CDK8: variants seen among roughly 807,000 people sequenced by gnomAD.
CDK8 encodes the protein cyclin-dependent kinase 8.
In CDK8, 29 loss-of-function variants were observed where a neutral mutation model predicts 71.5. The observed-to-expected ratio is 0.41, with a 90% CI of 0.30 to 0.55. The LOEUF (loss-of-function observed/expected upper bound fraction) is 0.55. Ranked by LOEUF, CDK8 falls within the 20% of genes least tolerant of loss-of-function variation. CDK8 has a pLI of 0.37. For synonymous variants in CDK8, 161 were observed against 192.1 expected (o/e 0.84, Z 1.34); for missense variants, 288 against 572.6 (o/e 0.50, Z 5.07).
At chr13:26,349,223 A>G in intron 3 of CDK8, 41 bp downstream of exon 3, 1 of 1,104,394 alleles carries the variant, frequency 9.1e-7, no homozygotes, top group Non-Finnish European at 1.4e-6. Context: ...ACAGTCAGGG[A>G]TTGTTAAGAG....
rs144409584 is a variant in CDK8, at chr13:26,402,908, T to A, written c.1270-1048T>A. ...GTATTTGTGACTATCATTTCATGTG[T>A]CCACTCTTTTTAAAAATGTTACCTT... is the stretch of plus-strand genomic sequence containing the variant. On this transcript the variant is annotated intron_variant, in intron 12 of 12. Transcript: ENST00000381527. Among the ~76,000 whole-genome samples the A allele has an allele frequency of 3.4e-3, 516 of 152,348 alleles. 4 individuals are homozygous for A. The highest frequency in any genetic ancestry group is 0.012 in the African/African-American group (494 of 41,574).
chr13:26,307,563 T>C lies in CDK8; in HGVS notation c.129-30004T>C, dbSNP rs899194167. On this transcript the variant is annotated intron_variant, in intron 1 of 12. Coordinates refer to ENST00000381527, the MANE Select transcript of CDK8 (RefSeq NM_001260.3). The stretch of plus-strand genomic sequence containing the variant: ...GATTTTAGCTCAGTGAGACCTATGC[T>C]GCACTTCCTACCCATAAATCTGTAA... Among the ~76,000 whole-genome samples, 4 of 152,326 alleles carry C rather than the reference T, an allele frequency of 2.6e-5. No individual in the cohort carries two copies. The Middle Eastern group carries it at 0.01, about 389-fold the overall frequency.
intron 1 of CDK8, among the ~76,000 whole-genome samples, chr13:26,305,585 T>C (rs1874009374): frequency 1.3e-5 from 2 of 152,188 alleles, no homozygotes; most frequent in South Asian, 4.1e-4. Flanking sequence ...AAAATGTATA[T>C]TCGCCCTTCT....
chr13:26,275,174 G>A (rs9553780), intron 1 of CDK8, among the ~76,000 whole-genome samples: 6 of 151,938 alleles, frequency 3.9e-5, no homozygotes, highest in South Asian at 2.1e-4. Flanking sequence ...GTTGTTTTAC[G>A]TCTTTTATAA....
intron 1 of CDK8, among the ~76,000 whole-genome samples, chr13:26,325,702 G>T (rs1874984565): frequency 1.3e-5 from 2 of 152,158 alleles, no homozygotes; most frequent in Non-Finnish European, 2.9e-5. Context: ...GAGGAGTGAA[G>T]CAGGGCTGGG....
At chr13:26,352,919 T>C (rs1402874162) in intron 3 of CDK8, among the ~76,000 whole-genome samples, 2 of 152,226 alleles carry the variant, frequency 1.3e-5, no homozygotes. Context: ...ATGCTTAATA[T>C]TTACTTACAT....
chr13:26,381,752 AC>A (rs1875236369), intron 4 of CDK8, among the ~76,000 whole-genome samples: 1 of 150,142 alleles, frequency 6.7e-6, no homozygotes, highest in Non-Finnish European at 1.5e-5. Context: ...TTTCAGCAAT[AC>A]CTTTTTTTTT....
At chr13:26,396,725 C>T (rs957716450) in intron 8 of CDK8, among the ~76,000 whole-genome samples, 3 of 152,030 alleles carry the variant, frequency 2.0e-5, no homozygotes, top group African/African-American at 4.8e-5. Context: ...TAATTTTAAG[C>T]AGGTTTTAAC....
At chr13:26,354,884 A>G (rs1489056928) in intron 4 of CDK8, among the ~76,000 whole-genome samples, 2 of 152,222 alleles carry the variant, frequency 1.3e-5, no homozygotes, top group Non-Finnish European at 2.9e-5. Context: ...TTCTTACTAC[A>G]TAATTACATT....
chr13:26,372,823 C>T (rs116539714), intron 4 of CDK8, among the ~76,000 whole-genome samples: 2,751 of 152,270 alleles, frequency 0.018, 86 homozygotes, highest in African/African-American at 0.063. Context: ...ATTCATGTTG[C>T]TGTTGTCAAA....
chr13:26,292,584 C>T (rs1873355103), intron 1 of CDK8, among the ~76,000 whole-genome samples: 1 of 152,046 alleles, frequency 6.6e-6, no homozygotes, highest in South Asian at 2.1e-4. Context: ...TAGCTAAGCC[C>T]ATTAAAAGTC....
chr13:26,355,411 C>A (rs1225898603), intron 4 of CDK8, among the ~76,000 whole-genome samples: 3 of 152,126 alleles, frequency 2.0e-5, no homozygotes, highest in Non-Finnish European at 4.4e-5. Context: ...GTCAGGAGTT[C>A]AAGATCAGGC....
Position 26,401,575 on chromosome 13 carries a change from T to C in CDK8, c.1220T>C (p.Val407Ala), listed in dbSNP as rs141416704. The change falls in exon 12 of 13, where the codon GTT becomes GCT. Residue 407 changes from valine to alanine, a missense_variant. Transcript: ENST00000381527. This position sits in a 1 kb window ranked among gnomAD's most constrained non-coding sequence, Gnocchi z 4.5. ...QGPPLKKVRV[V>A]PPTTTSGGLI... ...CCCCCGTTGAAGAAAGTGAGAGTTG[T>C]TCCTCCTACCACTACCTCAGGTGGA... 32 of 1,614,168 alleles carry C rather than the reference T, an allele frequency of 2.0e-5. No homozygotes were observed. In the African/African-American group the frequency reaches 3.9e-4, roughly 19 times the overall value.
intron 6 of CDK8, among the ~76,000 whole-genome samples, chr13:26,386,493 T>A (rs1565995382): frequency 6.6e-6 from 1 of 152,156 alleles, no homozygotes; most frequent in African/African-American, 2.4e-5. Context: ...GTTTTCTATT[T>A]TGGATTGGTT....
At chr13:26,326,272 T>G (rs566712660) in intron 1 of CDK8, among the ~76,000 whole-genome samples, 2 of 152,278 alleles carry the variant, frequency 1.3e-5, no homozygotes, top group African/African-American at 4.8e-5. Context: ...CAACCATTGG[T>G]TTGATTGCAT....
intron 4 of CDK8, among the ~76,000 whole-genome samples, chr13:26,376,584 T>C (rs971334440): frequency 6.6e-6 from 1 of 152,212 alleles, no homozygotes; most frequent in Non-Finnish European, 1.5e-5. Flanking sequence ...GTTTTTGTAC[T>C]GTACATCCAT....
chr13:26,353,699 C>CT, intron 3 of CDK8, 41 bp from the exon 4 acceptor site: 1 of 1,484,960 alleles, frequency 6.7e-7, no homozygotes, highest in East Asian at 2.4e-5. Flanking sequence ...TTATCTTTTC[C>CT]TTTTTTTAAG....
chr13:26,339,764 T>A (rs1873159367), intron 2 of CDK8, among the ~76,000 whole-genome samples: 1 of 146,766 alleles, frequency 6.8e-6, no homozygotes, highest in African/African-American at 2.5e-5. Flanking sequence ...AAAATATATA[T>A]ATATATATAG....
In CDK8 at chr13:26,361,670, T is replaced by C. The variant is rs548191529; in HGVS notation, c.456+7790T>C. On this transcript the variant is annotated intron_variant, in intron 4 of 12. Coordinates refer to ENST00000381527, the MANE Select transcript of CDK8 (RefSeq NM_001260.3). ...CATCATCTTAAAAGCCAAAAAATTA[T>C]AAGTCACGCCATTGTAAGTTGGAGA... 4.6e-5 allele frequency among the ~76,000 whole-genome samples: 7 copies of C among 152,180 alleles called. No homozygotes were observed. In the South Asian group the frequency reaches 1.5e-3, roughly 32 times the overall value.
Sources: allele counts gnomAD v4.1 joint callset (sites outside exome capture counted in the v4.1 genomes callset), GRCh38; gene constraint gnomAD v4.1.1; non-coding constraint Gnocchi (gnomAD v3.1); transcripts MANE v1.5; gene names NCBI Gene and HGNC (gene_info 2026-07-23, HGNC 2026-07-21).